The following SCN9A variants were observed in gnomAD, a reference collection of about 807,000 sequenced individuals.
The protein encoded by SCN9A is sodium voltage-gated channel alpha subunit 9.
SCN9A carries 131 observed loss-of-function variants against 187.0 expected under a neutral mutation model. That is an observed-to-expected ratio of 0.70 (90% CI 0.61 to 0.81). The LOEUF (loss-of-function observed/expected upper bound fraction) is 0.81. SCN9A is among the 30% of genes least tolerant of loss of function. The pLI is 0.00. For synonymous variants in SCN9A, 809 were observed against 808.6 expected (o/e 1.00, Z -0.01); for missense variants, 2,252 against 2,396.6 (o/e 0.94, Z 1.26).
chr2:166,198,651 CAA>C lies in SCN9A; in HGVS notation c.*19_*20del. The C allele has an allele frequency of 6.6e-7, 1 of 1,520,668 alleles. No individual in the cohort carries two copies. The highest frequency in any genetic ancestry group is 8.9e-7 in the Non-Finnish European group (1 of 1,118,400). The allele number at this position is 1,520,668 out of a possible 1,614,324, so 94.2% of individuals were successfully genotyped here. A position where few individuals can be genotyped will look rare whatever the true frequency, so the allele number is the denominator to read the frequency against. On this transcript the variant is annotated 3_prime_UTR_variant, in exon 27 of 27. Coordinates refer to ENST00000642356, the MANE Select transcript of SCN9A (RefSeq NM_001365536.1). ...ATAAATCACTTTCACAGGCTGTAAACAATATATCAAAAATGAAGCTCTATTTT... is the reference window on the plus strand; with the variant it reads ...ATAAATCACTTTCACAGGCTGTAAACTATATCAAAAATGAAGCTCTATTTT...
At chr2:166,364,156 T>C (rs1700357516) in intron 1 of SCN9A, among the ~76,000 whole-genome samples, 2 of 132,706 alleles carry the variant, frequency 1.5e-5, no homozygotes, top group Non-Finnish European at 3.1e-5. Context: ...CGGATGGTTA[T>C]TGTTTAAAAA....
At chr2:166,367,491 C>A (rs1356915728) in intron 1 of SCN9A, among the ~76,000 whole-genome samples, 1 of 152,156 alleles carries the variant, frequency 6.6e-6, no homozygotes, top group African/African-American at 2.4e-5. Flanking sequence ...GTCTCCAACT[C>A]CTGACCTCAA....
chr2:166,311,157 T>G, intron 2 of SCN9A, among the ~76,000 whole-genome samples: 1 of 117,496 alleles, frequency 8.5e-6, no homozygotes, highest in African/African-American at 3.6e-5. Flanking sequence ...AGATGACCAG[T>G]TAGTGGGTGC....
intron 12 of SCN9A, 76 bp downstream of exon 12, chr2:166,284,377 A>C: frequency 1.3e-6 from 2 of 1,506,852 alleles, no homozygotes; most frequent in Non-Finnish European, 1.8e-6. Flanking sequence ...AGACCAGAGA[A>C]GGCCCTTCAG....
At chr2:166,278,895 C>T (rs946132016) in intron 14 of SCN9A, among the ~76,000 whole-genome samples, 2 of 152,140 alleles carry the variant, frequency 1.3e-5, no homozygotes, top group African/African-American at 4.8e-5. Flanking sequence ...TCAAAGGACT[C>T]ACTTAAAAAG....
chr2:166,297,695 C>T (rs1055717110), intron 7 of SCN9A, among the ~76,000 whole-genome samples: 12 of 150,586 alleles, frequency 8.0e-5, no homozygotes, highest in African/African-American at 2.7e-4. Context: ...TAGTGGCGAT[C>T]GTTGCACAAC....
intron 1 of SCN9A, among the ~76,000 whole-genome samples, chr2:166,336,978 T>A (rs912652204): frequency 2.0e-5 from 3 of 152,050 alleles, no homozygotes; most frequent in African/African-American, 7.2e-5. Flanking sequence ...AGATGTATGA[T>A]TTTGAAGAGA....
At chr2:166,304,905 A>T (rs1402589231) in intron 5 of SCN9A, among the ~76,000 whole-genome samples, 1 of 152,088 alleles carries the variant, frequency 6.6e-6, no homozygotes, top group African/African-American at 2.4e-5. Flanking sequence ...AAAATTGTGA[A>T]TTTTGTAGTA....
chr2:166,302,995 G>T (rs1574900765), intron 7 of SCN9A, 95 bp downstream of exon 7: 1 of 996,912 alleles, frequency 1.0e-6, no homozygotes, highest in East Asian at 2.6e-5. Flanking sequence ...GAATAGCTTT[G>T]AAATGATTAA....
intron 24 of SCN9A, among the ~76,000 whole-genome samples, chr2:166,219,265 C>A (rs940145812): frequency 6.6e-6 from 1 of 152,078 alleles, no homozygotes; most frequent in African/African-American, 2.4e-5. Context: ...GACACATGCA[C>A]ACATATGTTT....
At chr2:166,220,291 C>T (rs114912103) in intron 24 of SCN9A, among the ~76,000 whole-genome samples, 4,430 of 152,174 alleles carry the variant, frequency 0.029, 87 homozygotes, top group Non-Finnish European at 0.044. Flanking sequence ...AAGGTTTGTC[C>T]CCTCCAAAGC....
intron 1 of SCN9A, among the ~76,000 whole-genome samples, chr2:166,373,754 C>T (rs1211735701): frequency 6.6e-6 from 1 of 151,866 alleles, no homozygotes; most frequent in East Asian, 1.9e-4. Flanking sequence ...CTAGAATGTT[C>T]CATTTACATC....
intron 1 of SCN9A, among the ~76,000 whole-genome samples, chr2:166,349,922 A>G (rs1699993222): frequency 6.6e-6 from 1 of 152,256 alleles, no homozygotes; most frequent in Admixed American, 6.5e-5. Context: ...TGGCGAGCCA[A>G]GATTGCGCCA....
rs1698785800 is a variant in SCN9A, at chr2:166,307,067, A to G, written c.266T>C (p.Ile89Thr). The G allele has an allele frequency of 6.3e-7, 1 of 1,576,532 alleles. No individual in the cohort carries two copies. The stretch of plus-strand genomic sequence containing the variant: ...GATTGTTTTCCCTTTGTTCAATACT[A>G]TGAAAGTCTGCAGGAGGAAAAAGAA... ...DPYYADKKTF[I>T]VLNKGKTIFR... Residue 89 changes from isoleucine to threonine, a missense_variant, in exon 3 of 27, where the codon ATA becomes ACA. Ile to Thr is a moderately conservative substitution (Grantham distance 89, BLOSUM62 -1). This residue lies in a region of SCN9A where 1,013 missense variants were observed against 997.4 expected (regional missense o/e 1.02). Transcript: ENST00000642356.
chr2:166,260,847 A>T (rs1172850957), intron 17 of SCN9A, among the ~76,000 whole-genome samples: 4 of 151,912 alleles, frequency 2.6e-5, no homozygotes, highest in Non-Finnish European at 5.9e-5. Context: ...AAATAAGATT[A>T]TACAGGTAGA....
At chr2:166,322,170 T>A (rs934062905) in intron 1 of SCN9A, among the ~76,000 whole-genome samples, 2 of 148,056 alleles carry the variant, frequency 1.4e-5, no homozygotes, top group Non-Finnish European at 3.1e-5. Context: ...AACACTTTTT[T>A]AAAAAAAATT....
intron 17 of SCN9A, among the ~76,000 whole-genome samples, chr2:166,264,258 G>A (rs1299337469): frequency 2.6e-5 from 4 of 151,904 alleles, no homozygotes; most frequent in Non-Finnish European, 5.9e-5. Flanking sequence ...GGCTTCTAAT[G>A]AGGAAGCACT....
chr2:166,281,449 G>A (rs1225148110), intron 13 of SCN9A, among the ~76,000 whole-genome samples: 1 of 152,020 alleles, frequency 6.6e-6, no homozygotes, highest in Non-Finnish European at 1.5e-5. Context: ...ATTTTGCAAA[G>A]TCATTTTTGC....
At chr2:166,360,605 AC>A (rs1180658791) in intron 1 of SCN9A, among the ~76,000 whole-genome samples, 1 of 152,226 alleles carries the variant, frequency 6.6e-6, no homozygotes, top group Non-Finnish European at 1.5e-5. Context: ...TAACTTTGGC[AC>A]CAGGCAGACT....
Sources: gnomAD v4.1 joint callset for allele counts (sites outside exome capture counted in the v4.1 genomes callset) on GRCh38, gnomAD v4.1.1 for gene constraint, gnomAD v4.1.1 regional missense constraint, MANE v1.5 for transcripts, NCBI Gene and HGNC (gene_info 2026-07-23, HGNC 2026-07-21) for gene names.